Variants in CHCHD6 observed in about 807,000 individuals in gnomAD.
CHCHD6 encodes the protein MICOS complex subunit MIC25.
A neutral mutation model predicts 32.3 loss-of-function variants in CHCHD6; 28 were observed. The ratio of observed to expected loss-of-function variants is 0.87; its 90% CI spans 0.64 to 1.19. The LOEUF is 1.19. CHCHD6 is among the 50% of genes most tolerant of loss of function. CHCHD6 has a pLI of 0.00. For synonymous variants in CHCHD6, 122 were observed against 117.5 expected, an observed-to-expected ratio of 1.04 and a Z score of -0.25; for missense variants, 333 against 307.0, an observed-to-expected ratio of 1.08 and a Z score of -0.63.
At chr3:126,782,659 G>A (rs1023145707) in intron 4 of CHCHD6, among the ~76,000 whole-genome samples, 1 of 152,138 alleles carries the variant, frequency 6.6e-6, no homozygotes, top group Non-Finnish European at 1.5e-5. Flanking sequence ...AGGTCCTCCC[G>A]CAGACACCAC....
intron 4 of CHCHD6, among the ~76,000 whole-genome samples, chr3:126,747,053 A>G (rs573461798): frequency 1.3e-5 from 2 of 152,284 alleles, no homozygotes; most frequent in East Asian, 3.9e-4. Flanking sequence ...CCCCGATCTC[A>G]GCTTTCATGG....
intron 4 of CHCHD6, among the ~76,000 whole-genome samples, chr3:126,744,155 G>T (rs1285731090): frequency 6.6e-6 from 1 of 152,218 alleles, no homozygotes; most frequent in African/African-American, 2.4e-5. Flanking sequence ...AAATTGGGCT[G>T]GTGCCTTCCC....
chr3:126,791,903 G>T (rs1938565312), intron 4 of CHCHD6, among the ~76,000 whole-genome samples: 1 of 152,196 alleles, frequency 6.6e-6, no homozygotes, highest in Non-Finnish European at 1.5e-5. Context: ...GAGCCACCAT[G>T]CTGGCCTCTA....
chr3:126,867,466 C>T lies in CHCHD6; in HGVS notation c.495+14736C>T, dbSNP rs144415511. Among the ~76,000 whole-genome samples the T allele has an allele frequency of 1.3e-3, 195 of 152,334 alleles. 2 individuals carry two copies. The highest frequency in any genetic ancestry group is 1.9e-4 in the Non-Finnish European group (13 of 68,028). On this transcript the variant is annotated intron_variant, in intron 5 of 7. Coordinates refer to ENST00000290913, the MANE Select transcript of CHCHD6 (RefSeq NM_032343.3). ...GGGTTGAAGAGCCAGAAGTGCCTGT[C>T]CATCATGTGCATGGGTTACCACCTA...
chr3:126,863,730 C>CTCCTCCATCACCACCTCCTCT (rs1477602684), intron 5 of CHCHD6, among the ~76,000 whole-genome samples: 1 of 150,618 alleles, frequency 6.6e-6, no homozygotes, highest in Admixed American at 6.6e-5. Context: ...CCACGTCCTC[C>CTCCTCCATCACCACCTCCTCT]TCCTCCATCA....
At chr3:126,906,017 A>T (rs2078000322) in intron 5 of CHCHD6, among the ~76,000 whole-genome samples, 1 of 152,106 alleles carries the variant, frequency 6.6e-6, no homozygotes. Context: ...GATGGAGCAC[A>T]GTTCTGACCA....
In CHCHD6 at chr3:126,855,954, A is replaced by C. The variant is rs893634875; in HGVS notation, c.495+3224A>C. Among the ~76,000 whole-genome samples, 3 of 152,328 alleles carry C rather than the reference A, an allele frequency of 2.0e-5. 1 individual carries two copies. ...AAGCAAACCACTGCTCACAAAGAGC[A>C]TGTAGTTTCCATAGCATTTTCACTT... On this transcript the variant is annotated intron_variant, in intron 5 of 7. Coordinates refer to ENST00000290913, the MANE Select transcript of CHCHD6 (RefSeq NM_032343.3).
chr3:126,957,904 G>T (rs2078809655), intron 7 of CHCHD6: 2 of 389,516 alleles, frequency 5.1e-6, no homozygotes, highest in South Asian at 2.3e-5. Flanking sequence ...GGGTGGGAGG[G>T]TGGCAGAGGC....
intron 6 of CHCHD6, among the ~76,000 whole-genome samples, chr3:126,937,284 A>G (rs903485523): frequency 3.9e-5 from 6 of 152,232 alleles, no homozygotes; most frequent in African/African-American, 1.2e-4. Flanking sequence ...CTAAGCTGGC[A>G]TTGAGCTTCA....
intron 5 of CHCHD6, among the ~76,000 whole-genome samples, chr3:126,897,305 A>C (rs2077854740): frequency 6.6e-6 from 1 of 152,164 alleles, no homozygotes; most frequent in Admixed American, 6.5e-5. Flanking sequence ...TCTCTTCACA[A>C]GCATGCCATG....
At position 126,705,004 on chromosome 3, in the gene CHCHD6, C is replaced by T. The variant is rs1351701769; in HGVS notation, c.87+605C>T. 3.9e-5 allele frequency among the ~76,000 whole-genome samples: 6 copies of T among 152,280 alleles called. No individual in the cohort carries two copies. The East Asian group carries it at 1.2e-3, about 29-fold the overall frequency. ...CTGGGACTGCATCTCGTGCCATTTCCCTCGCGTGGCACCCGCACCTCGTCC... is the reference window on the plus strand; with the variant it reads ...CTGGGACTGCATCTCGTGCCATTTCTCTCGCGTGGCACCCGCACCTCGTCC... On this transcript the variant is annotated intron_variant, in intron 1 of 7. Coordinates refer to ENST00000290913, the MANE Select transcript of CHCHD6 (RefSeq NM_032343.3).
intron 6 of CHCHD6, among the ~76,000 whole-genome samples, chr3:126,944,740 G>A (rs898133497): frequency 2.6e-5 from 4 of 152,224 alleles, no homozygotes; most frequent in Non-Finnish European, 5.9e-5. Context: ...GGGAAGTTGT[G>A]GTTAGCAGAC....
intron 4 of CHCHD6, among the ~76,000 whole-genome samples, chr3:126,829,120 A>T (rs751621186): frequency 1.5e-4 from 23 of 152,260 alleles, no homozygotes; most frequent in Non-Finnish European, 2.2e-4. Context: ...AAAGCTGCCA[A>T]ATTCCCTCTA....
chr3:126,737,390 G>GTGTATATATA (rs755051777), intron 4 of CHCHD6, among the ~76,000 whole-genome samples: 243 of 132,630 alleles, frequency 1.8e-3, no homozygotes, highest in African/African-American at 6.0e-3. Context: ...TGATGTGTGA[G>GTGTATATATA]TATATATATA....
intron 6 of CHCHD6, among the ~76,000 whole-genome samples, chr3:126,941,368 A>G (rs532895224): frequency 6.6e-6 from 1 of 152,342 alleles, no homozygotes; most frequent in Admixed American, 6.5e-5. Flanking sequence ...CCACTTCTGC[A>G]TGTTTTAAAC....
chr3:126,752,738 G>A (rs949241436), intron 4 of CHCHD6, among the ~76,000 whole-genome samples: 1 of 152,154 alleles, frequency 6.6e-6, no homozygotes, highest in Non-Finnish European at 1.5e-5. Context: ...CCCCTTTAGC[G>A]CGGCTTGCTG....
chr3:126,850,827 A>G (rs1011253241), intron 4 of CHCHD6, among the ~76,000 whole-genome samples: 6 of 152,172 alleles, frequency 3.9e-5, no homozygotes, highest in African/African-American at 1.2e-4. Context: ...CCCAGCGCAG[A>G]TTAGCCGTGC....
chr3:126,768,102 G>A (rs56036679), intron 4 of CHCHD6, among the ~76,000 whole-genome samples: 16,259 of 152,178 alleles, frequency 0.11, 929 homozygotes, highest in Middle Eastern at 0.21. Context: ...ATCTCATGTC[G>A]AATTGTAATC....
intron 4 of CHCHD6, among the ~76,000 whole-genome samples, chr3:126,801,761 C>T (rs570627165): frequency 6.6e-6 from 1 of 152,372 alleles, no homozygotes; most frequent in Non-Finnish European, 1.5e-5. Flanking sequence ...ACTGCCTCCT[C>T]AAGTGGGTCC....
Sources: gnomAD v4.1 joint callset for allele counts (sites outside exome capture counted in the v4.1 genomes callset) on GRCh38, gnomAD v4.1.1 for gene constraint, MANE v1.5 for transcripts, NCBI Gene and HGNC (gene_info 2026-07-23, HGNC 2026-07-21) for gene names.